The following HEMK2 variants were observed in gnomAD, a reference collection of about 807,000 sequenced individuals.
HEMK2 encodes the protein HemK methyltransferase 2, ETF1 glutamine and histone H4 lysine, also known as methyltransferase HEMK2.
chr21:28,699,379 C>T, the HEMK2 span, among the ~76,000 whole-genome samples: 6 of 152,066 alleles, frequency 3.9e-5, no homozygotes, highest in South Asian at 6.2e-4. Context: ...GTAGCTATGT[C>T]CACATTTAGG....
the HEMK2 span, among the ~76,000 whole-genome samples, chr21:28,661,037 C>T: frequency 1.3e-5 from 2 of 151,944 alleles, no homozygotes; most frequent in African/African-American, 2.4e-5. Context: ...TTAAAAATAT[C>T]TTACCTTTCT....
At chr21:28,856,082 T>C in the HEMK2 span, among the ~76,000 whole-genome samples, 8 of 105,364 alleles carry the variant, frequency 7.6e-5, no homozygotes, top group African/African-American at 3.0e-4. Context: ...TAGAGTGATA[T>C]ATTATTTTAT....
chr21:28,772,653 CT>C, the HEMK2 span, among the ~76,000 whole-genome samples: 1 of 152,064 alleles, frequency 6.6e-6, no homozygotes, highest in East Asian at 1.9e-4. Flanking sequence ...CTTGGGATAT[CT>C]TTTATCCCTT....
the HEMK2 span, among the ~76,000 whole-genome samples, chr21:28,817,015 C>T: frequency 1.3e-5 from 2 of 152,210 alleles, no homozygotes; most frequent in Admixed American, 1.3e-4. Context: ...CAGTAAAACA[C>T]ATCCACGTGA....
the HEMK2 span, among the ~76,000 whole-genome samples, chr21:28,603,936 T>C: frequency 6.6e-6 from 1 of 152,194 alleles, no homozygotes; most frequent in African/African-American, 2.4e-5. Flanking sequence ...GCCATGCAGG[T>C]GGCCTGCCTG....
At chr21:28,754,225 T>C in the HEMK2 span, among the ~76,000 whole-genome samples, 3 of 152,094 alleles carry the variant, frequency 2.0e-5, no homozygotes, top group African/African-American at 4.8e-5. Flanking sequence ...AGAATGGAAG[T>C]GAAGAAAAGA....
chr21:28,642,873 C>T, the HEMK2 span, among the ~76,000 whole-genome samples: 3 of 152,102 alleles, frequency 2.0e-5, no homozygotes, highest in African/African-American at 7.2e-5. Context: ...GTTGCTCTGC[C>T]GGCTAATGTC....
the HEMK2 span, among the ~76,000 whole-genome samples, chr21:28,771,518 A>ACCCC: frequency 9.7e-3 from 1,017 of 105,180 alleles, 36 homozygotes; most frequent in East Asian, 0.034. Context: ...AAGATGCACC[A>ACCCC]CCCCCCCCCG....
At chr21:28,675,443 T>C in the HEMK2 span, among the ~76,000 whole-genome samples, 1 of 152,170 alleles carries the variant, frequency 6.6e-6, no homozygotes, top group African/African-American at 2.4e-5. Context: ...GTTTTGAATA[T>C]CTAAAGTGAC....
At chr21:28,831,459 G>GAAAGAAAAGAAAAGAAAAGA in the HEMK2 span, among the ~76,000 whole-genome samples, 20 of 31,030 alleles carry the variant, frequency 6.4e-4, 1 homozygote, top group Middle Eastern at 0.014. Flanking sequence ...AGAAAGAAAA[G>GAAAGAAAAGAAAAGAAAAGA]AACGAAAGAA....
chr21:28,884,381 G>T, the HEMK2 span, among the ~76,000 whole-genome samples: 1 of 152,128 alleles, frequency 6.6e-6, no homozygotes, highest in African/African-American at 2.4e-5. Flanking sequence ...GTTTAAGAGG[G>T]ATAAATAAAT....
At chr21:28,577,004 C>T in the HEMK2 span, among the ~76,000 whole-genome samples, 1 of 152,328 alleles carries the variant, frequency 6.6e-6, no homozygotes, top group South Asian at 2.1e-4. Flanking sequence ...AGCCACTGCG[C>T]CCAGCCCTAG....
chr21:28,864,587 G>A, the HEMK2 span, among the ~76,000 whole-genome samples: 44 of 151,990 alleles, frequency 2.9e-4, 1 homozygote, highest in Admixed American at 2.4e-3. Context: ...TCCTCAACCC[G>A]GACCCATATG....
chr21:28,825,798 A>G, the HEMK2 span, among the ~76,000 whole-genome samples: 1 of 152,214 alleles, frequency 6.6e-6, no homozygotes, highest in Non-Finnish European at 1.5e-5. Flanking sequence ...GAATTTCCCT[A>G]CTTCAGCACT....
the HEMK2 span, among the ~76,000 whole-genome samples, chr21:28,718,511 T>G: frequency 1.3e-5 from 2 of 152,176 alleles, no homozygotes; most frequent in African/African-American, 2.4e-5. Context: ...TCTAACAATG[T>G]CAGTGGGATG....
chr21:28,740,026 C>T, the HEMK2 span, among the ~76,000 whole-genome samples: 2 of 152,150 alleles, frequency 1.3e-5, no homozygotes, highest in Non-Finnish European at 2.9e-5. Flanking sequence ...TTTTTCATCC[C>T]AACACCTTGT....
chr21:28,769,999 C>A, the HEMK2 span, among the ~76,000 whole-genome samples: 49 of 152,270 alleles, frequency 3.2e-4, no homozygotes, highest in Middle Eastern at 0.01. Flanking sequence ...CCAGCACCCT[C>A]AGCATTGTGG....
At chr21:28,658,000 T>C in the HEMK2 span, among the ~76,000 whole-genome samples, 1 of 152,060 alleles carries the variant, frequency 6.6e-6, no homozygotes, top group African/African-American at 2.4e-5. Context: ...TCTTGAATGG[T>C]AGTTCTGTGA....
the HEMK2 span, among the ~76,000 whole-genome samples, chr21:28,798,109 C>G: frequency 6.6e-6 from 1 of 152,168 alleles, no homozygotes; most frequent in African/African-American, 2.4e-5. Context: ...TCCGCTCTCC[C>G]TTCTCTCCTT....
Sources: allele counts gnomAD v4.1 joint callset (sites outside exome capture counted in the v4.1 genomes callset), GRCh38; gene constraint gnomAD v4.1.1; transcripts MANE v1.5; gene names NCBI Gene and HGNC (gene_info 2026-07-23, HGNC 2026-07-21).